The following C2 variants were observed in gnomAD, a reference collection of about 807,000 sequenced individuals.
The protein encoded by C2 is complement C2.
A neutral mutation model predicts 85.2 loss-of-function variants in C2; 64 were observed. That is an observed-to-expected ratio of 0.75 (90% CI 0.61 to 0.92). The LOEUF (loss-of-function observed/expected upper bound fraction) is 0.92. Ranked by LOEUF, C2 falls within the 40% of genes least tolerant of loss-of-function variation. The probability of loss-of-function intolerance (pLI) is 0.00; values close to 1 mark genes in which losing one functional copy is unlikely to be tolerated. For missense variants in C2, 820 were observed against 971.6 expected, an observed-to-expected ratio of 0.84 and a Z score of 2.07; for synonymous variants, 311 against 370.8, an observed-to-expected ratio of 0.84 and a Z score of 1.85.
chr6:31,919,871 C>T (rs2151728524), upstream of C2: 1 of 152,290 alleles, frequency 6.6e-6, no homozygotes, highest in Admixed American at 6.5e-5. Context: ...CAAACATTTC[C>T]TCTTGGTAAC....
At position 31,928,821 on chromosome 6, in the gene C2, G is replaced by A. The variant is rs1214246983; in HGVS notation, c.346G>A (p.Glu116Lys). 4 of 1,614,228 alleles carry A rather than the reference G, an allele frequency of 2.5e-6. No individual in the cohort carries two copies. Among genetic ancestry groups the A allele is most frequent in the Non-Finnish European group, 2.5e-6 (3 of 1,180,030 alleles). The change falls in exon 3 of 18, where the codon GAG (glutamate) becomes AAG (lysine). Residue 116 changes from glutamate to lysine, a missense_variant. Glu to Lys is a moderately conservative substitution (Grantham distance 56). Coordinates refer to ENST00000299367, the MANE Select transcript of C2 (RefSeq NM_000063.6). The stretch of plus-strand genomic sequence containing the variant: ...TCCCGTGGGTGGCAATGTGAGCTTC[G>A]AGTGTGAGGATGGCTTCATATTGCG... Reference protein sequence around the residue: ...SYPVGGNVSFECEDGFILRGS... With the variant: ...SYPVGGNVSFKCEDGFILRGS...
intron 9 of C2, chr6:31,941,395 CCTT>C (rs1334361049): frequency 1.1e-4 from 17 of 152,230 alleles, no homozygotes; most frequent in African/African-American, 1.9e-4. Context: ...CTTCAACTCG[CCTT>C]CTTTTCTGTG....
Position 31,937,413 on chromosome 6 carries a change from G to A in C2, c.1083G>A (p.Thr361=). ...NNQMRLLGME[T]MAWQEIRHAI... Reference sequence around the variant, plus strand: ...AAATGCGACTCCTCGGCATGGAAACGATGGCCTGGCAGGAAATCCGACATG... The same window carrying A: ...AAATGCGACTCCTCGGCATGGAAACAATGGCCTGGCAGGAAATCCGACATG... Residue 361 remains threonine, a synonymous_variant, in exon 8 of 18, where the codon ACG becomes ACA. Coordinates refer to ENST00000299367, the MANE Select transcript of C2 (RefSeq NM_000063.6). The A allele has an allele frequency of 6.2e-7, 1 of 1,612,772 alleles. No homozygotes were observed. Among genetic ancestry groups the A allele is most frequent in the Non-Finnish European group, 8.5e-7 (1 of 1,179,994 alleles).
chr6:31,936,077 C>T lies in C2; in HGVS notation c.988+16C>T, dbSNP rs377748058. On this transcript the variant is annotated intron_variant, in intron 7 of 17. Transcript: ENST00000299367. ...AACTATAAAGGTACGGGTGTCATCA[C>T]GTGATGGTGATGAGAGAGGAGAAGA... 9.4e-5 allele frequency: 151 copies of T among 1,612,534 alleles called. No individual in the cohort carries two copies. Among genetic ancestry groups the T allele is most frequent in the Admixed American group, 8.0e-4 (48 of 59,960 alleles).
At chr6:31,899,743 G>A, upstream of C2, 2 of 643,630 alleles carry the variant, frequency 3.1e-6, no homozygotes, top group Non-Finnish European at 5.1e-6. Flanking sequence ...CCAGATTCTT[G>A]CACTCTCAAG....
chr6:31,907,043 C>T (rs370931214), intron 1 of C2, among the ~76,000 whole-genome samples: 1 of 150,666 alleles, frequency 6.6e-6, no homozygotes, highest in Non-Finnish European at 1.5e-5. Flanking sequence ...AGGAGGCTGA[C>T]GCAGGAGAAT....
At position 31,945,589 on chromosome 6, in the gene C2, C is replaced by T. The variant is rs978519305; in HGVS notation, c.*232C>T. The stretch of plus-strand genomic sequence containing the variant: ...TCCTTGGCCTGTCCCCAGATTCCTT[C>T]CCTGGTTGACTTGACTCATGCTTGT... On this transcript the variant is annotated 3_prime_UTR_variant, in exon 18 of 18. Coordinates refer to ENST00000299367, the MANE Select transcript of C2 (RefSeq NM_000063.6). The surrounding 1 kb of genome is among the most constrained non-coding windows in gnomAD (Gnocchi z 5.3). The T allele has an allele frequency of 3.5e-5, 21 of 594,742 alleles. 1 individual carries two copies. In the South Asian group the frequency reaches 4.1e-4, roughly 12 times the overall value. 36.8% of individuals were successfully genotyped at this position (594,742 alleles called of 1,614,324 possible).
In C2 at chr6:31,945,429, C is replaced by T. The variant is rs899185327; in HGVS notation, c.*72C>T. The T allele has an allele frequency of 2.7e-5, 37 of 1,369,724 alleles. 1 individual carries two copies. In the African/African-American group the frequency reaches 3.7e-4, roughly 14 times the overall value. 84.8% of individuals were successfully genotyped at this position (1,369,724 alleles called of 1,614,324 possible). A position where few individuals can be genotyped will look rare whatever the true frequency, so the allele number is the denominator to read the frequency against. ...TCCATCTTCTACCTCTGAATGGCCA[C>T]CCTTAGACCCTGTGATCCATCCTCT... is the stretch of plus-strand genomic sequence containing the variant. On this transcript the variant is annotated 3_prime_UTR_variant, in exon 18 of 18. Transcript: ENST00000299367. The surrounding 1 kb of genome is among the most constrained non-coding windows in gnomAD (Gnocchi z 5.3).
chr6:31,901,059 C>T, exon 1 of C2: 1 of 1,614,184 alleles, frequency 6.2e-7, no homozygotes, highest in Non-Finnish European at 8.5e-7. Context: ...AGGAGCAAGT[C>T]GGCCACGATG....
At chr6:31,934,488 T>TCCCAACAGTGCTTG in intron 6 of C2, 189 bp downstream of exon 6, 1 of 1,216,528 alleles carries the variant, frequency 8.2e-7, no homozygotes. Flanking sequence ...ACAAGCACTG[T>TCCCAACAGTGCTTG]TGGGACACTG....
chr6:31,911,914 G>A lies in C2; in HGVS notation c.73+10775G>A, dbSNP rs1768131173. Among the ~76,000 whole-genome samples the A allele has an allele frequency of 1.4e-5, 2 of 147,522 alleles. 1 individual carries two copies. Among genetic ancestry groups the A allele is most frequent in the South Asian group, 4.3e-4 (2 of 4,672 alleles). ...CAAAGTGCTGAGATTACAGGCATGA[G>A]CCACCATGTCTGGCCCTTTTTTTTT... On this transcript the variant is annotated intron_variant, in intron 1 of 3. Transcript: ENST00000452202.
At chr6:31,940,003 T>C (rs543080825) in intron 9 of C2, among the ~76,000 whole-genome samples, 259 of 152,310 alleles carry the variant, frequency 1.7e-3, no homozygotes, top group African/African-American at 5.8e-3. Context: ...GTCAAACCCC[T>C]GGCCTCAAGT....
At chr6:31,926,175 C>T (rs1769246530), upstream of C2, among the ~76,000 whole-genome samples, 1 of 152,146 alleles carries the variant, frequency 6.6e-6, no homozygotes, top group African/African-American at 2.4e-5. Flanking sequence ...GTGTGTTCCC[C>T]TAACCATCTC....
chr6:31,943,089 A>G lies in C2; in HGVS notation c.1350A>G (p.Glu450=). The change falls in exon 10 of 18, where the codon GAA becomes GAG. Residue 450 remains glutamate, a synonymous_variant. Transcript: ENST00000299367. The surrounding 1 kb of genome is among the most constrained non-coding windows in gnomAD (Gnocchi z 6.4). ...CAAAGGCTCTGCACCAGGTCTTTGAACATATGCTGGGTGAGTGAGCTTTGC... is the reference window on the plus strand; with the variant it reads ...CAAAGGCTCTGCACCAGGTCTTTGAGCATATGCTGGGTGAGTGAGCTTTGC... The part of the protein sequence containing the change: ...QDTKALHQVF[E]HMLDVSKLTD... 1.2e-6 allele frequency: 2 copies of G among 1,613,046 alleles called. No homozygotes were observed. The highest frequency in any genetic ancestry group is 1.7e-6 in the Non-Finnish European group (2 of 1,180,014).
intron 6 of C2, chr6:31,934,862 A>G: frequency 3.9e-6 from 1 of 256,678 alleles, no homozygotes; most frequent in Non-Finnish European, 6.2e-6. Context: ...ATACAAAATT[A>G]GCCACATGTG....
intron 3 of C2, among the ~76,000 whole-genome samples, chr6:31,931,121 T>C (rs1399140948): frequency 6.6e-6 from 1 of 152,244 alleles, no homozygotes; most frequent in African/African-American, 2.4e-5. Flanking sequence ...CATGCTGTTG[T>C]GTGTATCAGT....
chr6:31,919,023 A>G (rs961239228), upstream of C2, among the ~76,000 whole-genome samples: 2 of 152,006 alleles, frequency 1.3e-5, no homozygotes, highest in African/African-American at 4.8e-5. Context: ...TCATTTTACT[A>G]TTCTCTCTAC....
chr6:31,916,637 G>C (rs117326768), upstream of C2, among the ~76,000 whole-genome samples: 701 of 151,602 alleles, frequency 4.6e-3, 5 homozygotes, highest in Middle Eastern at 0.021. Context: ...CCTGAGGAGA[G>C]AGCTGAATGT....
At chr6:31,914,447 T>C (rs1473035908) in intron 1 of C2, among the ~76,000 whole-genome samples, 5 of 149,902 alleles carry the variant, frequency 3.3e-5, no homozygotes, top group African/African-American at 4.9e-5. Flanking sequence ...AAAAATTAGC[T>C]GGGCGTAGTG....
Sources: allele counts gnomAD v4.1 joint callset (sites outside exome capture counted in the v4.1 genomes callset), GRCh38; gene constraint gnomAD v4.1.1; non-coding constraint Gnocchi (gnomAD v3.1); transcripts MANE v1.5; gene names NCBI Gene and HGNC (gene_info 2026-07-23, HGNC 2026-07-21).